Variants in DHDDS observed in about 807,000 individuals in gnomAD.
DHDDS encodes dehydrodolichyl diphosphate synthase subunit, also known as dehydrodolichyl diphosphate synthase complex subunit DHDDS.
Under a neutral mutation model 46.2 loss-of-function variants are expected in DHDDS, and 16 were observed. The ratio of observed to expected loss-of-function variants is 0.35; its 90% CI spans 0.23 to 0.53. The LOEUF is 0.53. Among genes scored for constraint, DHDDS ranks in the 20% least tolerant of loss-of-function variants. The pLI is 0.94. For missense variants in DHDDS, 340 were observed against 423.7 expected (o/e 0.80, Z 1.73); for synonymous variants, 151 against 163.1 (o/e 0.93, Z 0.56).
rs1295542526 is a variant in DHDDS at position 26,457,772 on chromosome 1, CTCT to C, written c.543-14_543-12del. ...CTACAGGATGTGTGCCTCTCTTTGT[CTCT>C]TCTTGCTCATCTTAGTGATATCTCT... On this transcript the variant is annotated splice_polypyrimidine_tract_variant and intron_variant, in intron 6 of 8. Coordinates refer to ENST00000236342, the MANE Select transcript of DHDDS (RefSeq NM_205861.3). 1 of 1,571,278 alleles carries C rather than the reference CTCT, an allele frequency of 6.4e-7. No homozygotes were observed. The highest frequency in any genetic ancestry group is 8.8e-7 in the Non-Finnish European group (1 of 1,141,260).
At chr1:26,433,113 A>G in intron 2 of DHDDS, 105 bp downstream of exon 2, 1 of 1,255,034 alleles carries the variant, frequency 8.0e-7, no homozygotes, top group Non-Finnish European at 1.2e-6. Context: ...TCATGATGTT[A>G]AGTGGAATTT....
Position 26,465,119 on chromosome 1 carries a change from C to G in DHDDS, c.766-3776C>G, listed in dbSNP as rs1283555029. On this transcript the variant is annotated intron_variant, in intron 8 of 8. Transcript: ENST00000236342. Reference sequence around the variant, plus strand: ...GTGCGGCAGTGCAGAGCAGCTGATCCTCAATCACAAGTTGCATGGATGGTA... The same window carrying G: ...GTGCGGCAGTGCAGAGCAGCTGATCGTCAATCACAAGTTGCATGGATGGTA... Among the ~76,000 whole-genome samples, 12 of 152,156 alleles carry G rather than the reference C, an allele frequency of 7.9e-5. No individual in the cohort carries two copies. The East Asian group carries it at 2.3e-3, about 29-fold the overall frequency.
At chr1:26,446,568 C>G (rs1432140076) in intron 5 of DHDDS, 136 bp downstream of exon 5, 1 of 762,360 alleles carries the variant, frequency 1.3e-6, no homozygotes. Flanking sequence ...AGCTTAGAGA[C>G]TTTCTCCGTC....
At chr1:26,459,972 G>A in intron 7 of DHDDS, 65 bp from the exon 8 acceptor site, 1 of 1,324,650 alleles carries the variant, frequency 7.5e-7, no homozygotes, top group Non-Finnish European at 1.1e-6. Context: ...TTCCCTGGAG[G>A]ACTGACCAGG....
At chr1:26,465,683 T>G (rs1040903819) in intron 8 of DHDDS, among the ~76,000 whole-genome samples, 2 of 152,202 alleles carry the variant, frequency 1.3e-5, no homozygotes, top group African/African-American at 4.8e-5. Flanking sequence ...TTTCCAAGAA[T>G]GGTGGCCAAT....
intron 8 of DHDDS, among the ~76,000 whole-genome samples, chr1:26,460,732 C>T (rs1193484457): frequency 1.3e-5 from 2 of 152,094 alleles, no homozygotes; most frequent in African/African-American, 4.8e-5. Flanking sequence ...TGAGGATCTA[C>T]GAGGGCACTT....
At chr1:26,433,675 CA>C (rs576315586) in intron 2 of DHDDS, among the ~76,000 whole-genome samples, 35,824 of 94,668 alleles carry the variant, frequency 0.38, 5,296 homozygotes, top group East Asian at 0.71. Context: ...GACTCTGTCT[CA>C]AAAAAAAAAA....
At chr1:26,455,209 G>T in intron 6 of DHDDS, 3 of 715,388 alleles carry the variant, frequency 4.2e-6, no homozygotes, top group Non-Finnish European at 7.7e-6. Flanking sequence ...ACCTCAGGCC[G>T]CTTAGGGAAA....
intron 7 of DHDDS, 98 bp downstream of exon 7, chr1:26,458,003 T>C: frequency 9.4e-7 from 1 of 1,059,362 alleles, no homozygotes; most frequent in Non-Finnish European, 1.5e-6. Context: ...CCAAACAGGC[T>C]GGGGCCAGAG....
At chr1:26,455,552 G>T (rs1418004784) in intron 6 of DHDDS, among the ~76,000 whole-genome samples, 1 of 152,080 alleles carries the variant, frequency 6.6e-6, no homozygotes, top group African/African-American at 2.4e-5. Context: ...TTCAAGACCA[G>T]CCTGGCCAAC....
At chr1:26,453,789 TA>T in intron 6 of DHDDS, among the ~76,000 whole-genome samples, 1 of 152,214 alleles carries the variant, frequency 6.6e-6, no homozygotes, top group Non-Finnish European at 1.5e-5. Context: ...TTCTCATAGG[TA>T]AAAACTGATA....
At chr1:26,438,330 T>G in intron 3 of DHDDS, 46 bp downstream of exon 3, 1 of 1,547,862 alleles carries the variant, frequency 6.5e-7, no homozygotes, top group Non-Finnish European at 8.9e-7. Context: ...TGTGGAGAGG[T>G]AGATTATAGC....
intron 6 of DHDDS, 89 bp from the exon 7 acceptor site, chr1:26,457,702 C>G: frequency 1.0e-6 from 1 of 961,326 alleles, no homozygotes; most frequent in Non-Finnish European, 1.7e-6. Flanking sequence ...AACTGAGAAG[C>G]CTATATATGG....
intron 2 of DHDDS, among the ~76,000 whole-genome samples, chr1:26,434,796 G>C (rs1024935912): frequency 2.0e-5 from 3 of 151,250 alleles, no homozygotes; most frequent in Non-Finnish European, 4.4e-5. Context: ...TGGGATTATA[G>C]GCACCGGCCA....
At chr1:26,467,761 G>C (rs2075507263) in intron 8 of DHDDS, among the ~76,000 whole-genome samples, 1 of 152,236 alleles carries the variant, frequency 6.6e-6, no homozygotes, top group Non-Finnish European at 1.5e-5. Context: ...GGATACCATA[G>C]GAAAATAGAG....
intron 3 of DHDDS, among the ~76,000 whole-genome samples, chr1:26,442,524 A>AT (rs2124402216): frequency 6.6e-6 from 1 of 152,246 alleles, no homozygotes; most frequent in Non-Finnish European, 1.5e-5. Flanking sequence ...CTAAGATCAC[A>AT]TTTTTCAGTT....
rs752178339 is a variant in DHDDS, at chr1:26,447,565, C to T, written c.447C>T (p.Phe149=). The change falls in exon 6 of 9, where the codon TTC becomes TTT. Residue 149 remains phenylalanine (F), a synonymous_variant. Transcript: ENST00000236342. ...VQATKNYNKC[F]LNVCFAYTSR... ...TCTCTTCTTCCCTCCTCAGGTGTTT[C>T]CTGAATGTCTGTTTTGCATACACAT... The T allele has an allele frequency of 1.2e-6, 2 of 1,613,910 alleles. No homozygotes were observed. The highest frequency in any genetic ancestry group is 1.7e-6 in the Non-Finnish European group (2 of 1,179,886).
At chr1:26,457,726 G>T in intron 6 of DHDDS, 65 bp from the exon 7 acceptor site, 2 of 1,268,598 alleles carry the variant, frequency 1.6e-6, no homozygotes, top group South Asian at 2.4e-5. Flanking sequence ...TTCACCATGA[G>T]AACACTACAG....
At position 26,469,164 on chromosome 1, in the gene DHDDS, C is replaced by G; in HGVS notation, c.*33C>G. ...TGGCCACCTGCCACTTTGCCCTGCC[C>G]TCTGCCTCCAGGGCTCCACTCCCCT... On this transcript the variant is annotated 3_prime_UTR_variant, in exon 9 of 9. Coordinates refer to ENST00000236342, the MANE Select transcript of DHDDS (RefSeq NM_205861.3). 6.2e-7 allele frequency: 1 copy of G among 1,611,240 alleles called. No homozygotes were observed.
Sources: gnomAD v4.1 joint callset for allele counts (sites outside exome capture counted in the v4.1 genomes callset) on GRCh38, gnomAD v4.1.1 for gene constraint, MANE v1.5 for transcripts, NCBI Gene and HGNC (gene_info 2026-07-23, HGNC 2026-07-21) for gene names.